Variants in ACOXL observed in about 807,000 individuals in gnomAD.
The protein encoded by ACOXL is acyl-CoA oxidase like.
ACOXL carries 70 observed loss-of-function variants against 71.9 expected under a neutral mutation model. The observed-to-expected ratio is 0.97, with a 90% CI of 0.80 to 1.19. ACOXL has a LOEUF of 1.19. ACOXL is among the 50% of genes most tolerant of loss of function. The pLI is 0.00. For synonymous variants in ACOXL, 253 were observed against 281.6 expected (o/e 0.90, Z 1.02); for missense variants, 703 against 736.3 (o/e 0.95, Z 0.52).
At chr2:110,997,461 T>A (rs2063448592) in intron 14 of ACOXL, among the ~76,000 whole-genome samples, 1 of 152,186 alleles carries the variant, frequency 6.6e-6, no homozygotes. Flanking sequence ...TTAGGCTAGC[T>A]GCTGTCATTC....
chr2:110,774,517 T>G (rs1278914110), intron 2 of ACOXL, among the ~76,000 whole-genome samples: 1 of 152,194 alleles, frequency 6.6e-6, no homozygotes, highest in African/African-American at 2.4e-5. Context: ...CAGTTGCATT[T>G]CTATGCATTA....
chr2:111,096,799 G>A (rs567143107), intron 17 of ACOXL, among the ~76,000 whole-genome samples: 8 of 152,250 alleles, frequency 5.3e-5, no homozygotes, highest in Non-Finnish European at 1.0e-4. Context: ...TCCTTTGAAA[G>A]GCCTCTGAAA....
chr2:110,835,679 T>G (rs1218051627), intron 9 of ACOXL, among the ~76,000 whole-genome samples: 1 of 152,208 alleles, frequency 6.6e-6, no homozygotes, highest in Non-Finnish European at 1.5e-5. Context: ...GGCTTCACTT[T>G]GGGCTGCGTC....
chr2:110,828,273 A>G (rs548971557), intron 9 of ACOXL, among the ~76,000 whole-genome samples: 11 of 152,210 alleles, frequency 7.2e-5, no homozygotes, highest in East Asian at 1.9e-4. Context: ...TGCTCAGCCT[A>G]TTTTCCTATT....
At chr2:110,905,369 A>G (rs528372692) in intron 10 of ACOXL, among the ~76,000 whole-genome samples, 342 of 152,182 alleles carry the variant, frequency 2.2e-3, no homozygotes, top group African/African-American at 8.0e-3. Context: ...GAAGCATCTG[A>G]AGGGGCTTAG....
rs116311059 is a variant in ACOXL at position 110,818,932 on chromosome 2, C to T, written c.753+13537C>T. ...GCCTGTTGGGCAGGCACAAAGAGGA[C>T]AGGCTGCATTCTGAGAAGTAATTTT... On this transcript the variant is annotated intron_variant, in intron 9 of 17. Transcript: ENST00000439055. 4.8e-3 allele frequency among the ~76,000 whole-genome samples: 395 copies of T among 81,788 alleles called. 44 individuals carry two copies. The highest frequency in any genetic ancestry group is 0.012 in the African/African-American group (383 of 32,696). The allele number at this position is 81,788 out of a possible 152,430, so 53.7% of individuals were successfully genotyped here.
At chr2:110,753,085 G>T (rs979961379) in intron 1 of ACOXL, among the ~76,000 whole-genome samples, 4 of 152,120 alleles carry the variant, frequency 2.6e-5, no homozygotes, top group Non-Finnish European at 4.4e-5. Flanking sequence ...CCTCCTGCTG[G>T]TGGTGAGTTC....
At chr2:111,094,705 G>A (rs902602648) in intron 17 of ACOXL, among the ~76,000 whole-genome samples, 1 of 152,076 alleles carries the variant, frequency 6.6e-6, no homozygotes, top group African/African-American at 2.4e-5. Context: ...AAACTTTGGG[G>A]GATACATTCA....
chr2:110,972,528 C>T (rs2062242638), intron 12 of ACOXL, among the ~76,000 whole-genome samples: 2 of 152,148 alleles, frequency 1.3e-5, no homozygotes, highest in Admixed American at 6.5e-5. Flanking sequence ...ACTCACAGGA[C>T]TTGACATATA....
chr2:110,839,166 T>C (rs1690830100), intron 9 of ACOXL, among the ~76,000 whole-genome samples: 1 of 151,716 alleles, frequency 6.6e-6, no homozygotes. Context: ...TCCCACCCCA[T>C]TTCCTCTCCC....
At chr2:110,963,565 A>ATGTGTGTGTGTG (rs57092184) in intron 12 of ACOXL, 2 of 1,454,010 alleles carry the variant, frequency 1.4e-6, no homozygotes, top group East Asian at 2.7e-5. Context: ...CAAATTTGAA[A>ATGTGTGTGTGTG]TGTGTGTGTG....
chr2:111,046,881 G>T (rs1327284442), intron 15 of ACOXL, among the ~76,000 whole-genome samples: 1 of 152,188 alleles, frequency 6.6e-6, no homozygotes. Context: ...GAGGGGCTAG[G>T]CCTGGTGTGG....
At chr2:110,933,784 C>T (rs1204736737) in intron 12 of ACOXL, 142 bp downstream of exon 12, 1 of 1,059,212 alleles carries the variant, frequency 9.4e-7, no homozygotes, top group East Asian at 2.6e-5. Context: ...TCCTTACCAG[C>T]CTCATAGTCT....
At chr2:110,818,050 A>G (rs902876980) in intron 9 of ACOXL, among the ~76,000 whole-genome samples, 6 of 151,184 alleles carry the variant, frequency 4.0e-5, no homozygotes, top group African/African-American at 1.5e-4. Flanking sequence ...ATGTTTGTCA[A>G]TGTTGCAAGA....
intron 13 of ACOXL, among the ~76,000 whole-genome samples, chr2:110,990,787 T>G (rs1007779834): frequency 1.3e-5 from 2 of 152,230 alleles, no homozygotes; most frequent in Non-Finnish European, 2.9e-5. Flanking sequence ...TTTTGTTAGT[T>G]TGGTGAATAA....
At chr2:110,741,991 GT>G (rs1282817221) in intron 1 of ACOXL, among the ~76,000 whole-genome samples, 1 of 152,184 alleles carries the variant, frequency 6.6e-6, no homozygotes, top group Non-Finnish European at 1.5e-5. Flanking sequence ...AATTCTTCCA[GT>G]CCCTGTCAGA....
Position 110,945,591 on chromosome 2 carries a change from G to A in ACOXL, c.1059+11949G>A, listed in dbSNP as rs945646840. Among the ~76,000 whole-genome samples, 6 of 152,052 alleles carry A rather than the reference G, an allele frequency of 3.9e-5. 1 individual carries two copies. The highest frequency in any genetic ancestry group is 1.3e-4 in the Admixed American group (2 of 15,258). The stretch of plus-strand genomic sequence containing the variant: ...GCCAGTTATTTCAGCAGCATTTATC[G>A]AATAGACAGTCTTTTCCTCATTGCT... On this transcript the variant is annotated intron_variant, in intron 12 of 17. Transcript: ENST00000439055.
intron 10 of ACOXL, among the ~76,000 whole-genome samples, chr2:110,862,119 G>A (rs796552586): frequency 1.1e-4 from 16 of 152,230 alleles, no homozygotes; most frequent in African/African-American, 3.9e-4. Context: ...GAACCCTCAC[G>A]CTTTGGCATA....
At chr2:110,908,744 C>G (rs756037061) in intron 10 of ACOXL, 45 bp from the exon 11 acceptor site, 1 of 1,490,350 alleles carries the variant, frequency 6.7e-7, no homozygotes, top group South Asian at 1.1e-5. Context: ...AGTTACCTCC[C>G]GCTCCTGGAT....
Sources: gnomAD v4.1 joint callset for allele counts (sites outside exome capture counted in the v4.1 genomes callset) on GRCh38, gnomAD v4.1.1 for gene constraint, MANE v1.5 for transcripts, NCBI Gene and HGNC (gene_info 2026-07-23, HGNC 2026-07-21) for gene names.